Variants in BBS4 observed in about 807,000 individuals in gnomAD.
BBS4 encodes the protein Bardet-Biedl syndrome 4.
BBS4 carries 58 observed loss-of-function variants against 71.4 expected under a neutral mutation model. The observed-to-expected ratio is 0.81, with a 90% CI of 0.66 to 1.01. The LOEUF (loss-of-function observed/expected upper bound fraction) is 1.01, where lower values mean the gene tolerates loss of function less well. Among genes scored for constraint, BBS4 ranks in the 50% least tolerant of loss-of-function variants. The pLI, the probability that BBS4 is intolerant of heterozygous loss-of-function variation, is 0.00. For synonymous variants in BBS4, 228 were observed against 216.8 expected, an observed-to-expected ratio of 1.05 and a Z score of -0.46; for missense variants, 660 against 607.9, an observed-to-expected ratio of 1.09 and a Z score of -0.90.
Position 72,734,484 on chromosome 15 carries a change from C to A in BBS4, c.1037-629C>A, listed in dbSNP as rs58413792. On this transcript the variant is annotated intron_variant, in intron 12 of 15. Coordinates refer to ENST00000268057, the MANE Select transcript of BBS4 (RefSeq NM_033028.5). ...TGAATCAGGAAAGATATTCTGGGGT[C>A]AGATTATGGAGGTCATGCGTACAGT... Among the ~76,000 whole-genome samples, 562 of 152,214 alleles carry A rather than the reference C, an allele frequency of 3.7e-3. 2 individuals carry two copies. Among genetic ancestry groups the A allele is most frequent in the African/African-American group, 0.013 (532 of 41,522 alleles).
At chr15:72,726,758 C>T (rs1415818580) in intron 8 of BBS4, among the ~76,000 whole-genome samples, 1 of 152,164 alleles carries the variant, frequency 6.6e-6, no homozygotes, top group African/African-American at 2.4e-5. Flanking sequence ...ATGTTCAGTG[C>T]CTCTGTGGTG....
chr15:72,688,514 A>G (rs1268359929), intron 1 of BBS4, among the ~76,000 whole-genome samples: 1 of 138,224 alleles, frequency 7.2e-6, no homozygotes, highest in Non-Finnish European at 1.5e-5. Context: ...CCCGGGTTCA[A>G]GTGATTTTTC....
Position 72,731,390 on chromosome 15 carries a change from T to G in BBS4, c.797T>G (p.Val266Gly), listed in dbSNP as rs745485396. The change falls in exon 11 of 16, where the codon GTT becomes GGT. Residue 266 changes from valine (V) to glycine (G), a missense_variant. Physicochemically the swap from Val to Gly is moderately radical, Grantham distance 109. Coordinates refer to ENST00000268057, the MANE Select transcript of BBS4 (RefSeq NM_033028.5). ...LTKYRVVACA[V>G]PESPPLWNNI... ...AAATACAGAGTTGTGGCTTGTGCTG[T>G]TCCAGAAAGTCCTCCACTCTGGAAT... 1.7e-5 allele frequency: 28 copies of G among 1,614,092 alleles called. No individual in the cohort carries two copies. Among genetic ancestry groups the G allele is most frequent in the Non-Finnish European group, 2.3e-5 (27 of 1,180,050 alleles).
intron 2 of BBS4, among the ~76,000 whole-genome samples, chr15:72,698,658 G>A (rs1403503104): frequency 6.6e-6 from 1 of 152,076 alleles, no homozygotes; most frequent in East Asian, 1.9e-4. Context: ...GTTTTCCTTA[G>A]AGTCTTTATA....
At chr15:72,693,918 C>A (rs2065029469) in intron 1 of BBS4, among the ~76,000 whole-genome samples, 1 of 151,224 alleles carries the variant, frequency 6.6e-6, no homozygotes, top group Non-Finnish European at 1.5e-5. Context: ...GAGTTTTGCT[C>A]TTATCGCCCA....
chr15:72,737,242 A>G (rs1027753689), intron 15 of BBS4: 3 of 615,796 alleles, frequency 4.9e-6, no homozygotes, highest in Admixed American at 5.8e-5. Context: ...CTGTTATGCA[A>G]TGTTTAATTT....
At chr15:72,728,533 G>T (rs2065746335) in intron 9 of BBS4, among the ~76,000 whole-genome samples, 2 of 152,072 alleles carry the variant, frequency 1.3e-5, no homozygotes, top group South Asian at 4.1e-4. Flanking sequence ...ATCCAGGAAA[G>T]AGCATATATG....
chr15:72,731,225 A>T, intron 10 of BBS4, 80 bp from the exon 11 acceptor site: 1 of 1,581,090 alleles, frequency 6.3e-7, no homozygotes, highest in East Asian at 2.2e-5. Context: ...GGGCCTGCTG[A>T]GTATAGACTC....
At chr15:72,690,590 G>A (rs2064966919) in intron 1 of BBS4, among the ~76,000 whole-genome samples, 1 of 152,026 alleles carries the variant, frequency 6.6e-6, no homozygotes, top group Non-Finnish European at 1.5e-5. Context: ...GTTTTGTTGA[G>A]GTATAATACA....
intron 2 of BBS4, among the ~76,000 whole-genome samples, chr15:72,709,225 C>G (rs2065321050): frequency 6.6e-6 from 1 of 152,178 alleles, no homozygotes; most frequent in Non-Finnish European, 1.5e-5. Flanking sequence ...TGAGGCCCAG[C>G]TGTGAAATTC....
Position 72,701,537 on chromosome 15 carries a change from C to A in BBS4, c.76+6309C>A, listed in dbSNP as rs12440954. 6.6e-3 allele frequency among the ~76,000 whole-genome samples: 1,010 copies of A among 152,080 alleles called. 40 individuals are homozygous for A. Among genetic ancestry groups the A allele is most frequent in the Admixed American group, 0.059 (903 of 15,264 alleles). On this transcript the variant is annotated intron_variant, in intron 2 of 15. Coordinates refer to ENST00000268057, the MANE Select transcript of BBS4 (RefSeq NM_033028.5). ...ATACTAGCAAGCAATTTTTAAAATGCGGTCAATATAATCCCCATGTGTAAA... is the reference window on the plus strand; with the variant it reads ...ATACTAGCAAGCAATTTTTAAAATGAGGTCAATATAATCCCCATGTGTAAA...
intron 1 of BBS4, among the ~76,000 whole-genome samples, chr15:72,691,209 T>C (rs1351456947): frequency 6.6e-6 from 1 of 152,168 alleles, no homozygotes; most frequent in African/African-American, 2.4e-5. Context: ...CTTAAACTCC[T>C]GAACTCAAGC....
At chr15:72,697,447 T>TTA (rs1211377962) in intron 2 of BBS4, among the ~76,000 whole-genome samples, 2 of 152,212 alleles carry the variant, frequency 1.3e-5, no homozygotes, top group Non-Finnish European at 2.9e-5. Context: ...GTCCTGTATA[T>TTA]TGTAGGATGG....
At chr15:72,698,531 A>G (rs1208580587) in intron 2 of BBS4, among the ~76,000 whole-genome samples, 1 of 152,140 alleles carries the variant, frequency 6.6e-6, no homozygotes, top group African/African-American at 2.4e-5. Flanking sequence ...AGCATTTTCA[A>G]GATTCATTCA....
chr15:72,709,722 GA>G lies in BBS4; in HGVS notation c.101del (p.Lys34SerfsTer5), dbSNP rs2065331078. ...TAGCTCCAGAGTTTCCTATTTTGGA[GA>G]AGCAGAACTGGTTGATTCATCTTCA... is the stretch of plus-strand genomic sequence containing the variant. ...KKAPEFPILE[K>X]QNWLIHLHYI... On this transcript the variant is annotated frameshift_variant, in exon 3 of 16. Transcript: ENST00000268057. LOFTEE classifies it high-confidence loss of function. The G allele has an allele frequency of 6.2e-7, 1 of 1,613,592 alleles. No homozygotes were observed. Among genetic ancestry groups the G allele is most frequent in the African/African-American group, 1.3e-5 (1 of 75,028 alleles).
intron 3 of BBS4, 33 bp downstream of exon 3, chr15:72,709,812 G>T: frequency 6.3e-7 from 1 of 1,576,778 alleles, no homozygotes; most frequent in South Asian, 1.1e-5. Context: ...AAAATGAGAG[G>T]CAGGATGTTG....
chr15:72,692,509 C>T (rs560166803), intron 1 of BBS4, among the ~76,000 whole-genome samples: 1 of 151,402 alleles, frequency 6.6e-6, no homozygotes, highest in Non-Finnish European at 1.5e-5. Context: ...GGCGGGGTTT[C>T]GTCATGTTAC....
chr15:72,689,780 T>TTTTTTTTA (rs747536794), intron 1 of BBS4, among the ~76,000 whole-genome samples: 94 of 147,650 alleles, frequency 6.4e-4, no homozygotes, highest in Middle Eastern at 3.5e-3. Context: ...TTATAAATCT[T>TTTTTTTTA]TTTATTTATT....
chr15:72,692,777 T>G (rs1467973828), intron 1 of BBS4, among the ~76,000 whole-genome samples: 1 of 151,576 alleles, frequency 6.6e-6, no homozygotes, highest in Non-Finnish European at 1.5e-5. Context: ...AAAGTTTTTT[T>G]TATAGAGGCA....
Sources: allele counts gnomAD v4.1 joint callset (sites outside exome capture counted in the v4.1 genomes callset), GRCh38; gene constraint gnomAD v4.1.1; transcripts MANE v1.5; gene names NCBI Gene and HGNC (gene_info 2026-07-23, HGNC 2026-07-21).